Variants in CSNK2A1 observed in about 807,000 individuals in gnomAD.
CSNK2A1 encodes the protein casein kinase 2 alpha 1.
In CSNK2A1, 10 loss-of-function variants were observed where a neutral mutation model predicts 62.9. That is an observed-to-expected ratio of 0.16 (90% CI 0.10 to 0.27). The LOEUF (loss-of-function observed/expected upper bound fraction) is 0.27, where lower values mean the gene tolerates loss of function less well. Ranked by LOEUF, CSNK2A1 falls within the 10% of genes least tolerant of loss-of-function variation. CSNK2A1 has a pLI of 1.00. For synonymous variants in CSNK2A1, 124 were observed against 167.8 expected (o/e 0.74, Z 2.02); for missense variants, 160 against 492.0 (o/e 0.33, Z 6.38).
chr20:527,119 G>A (rs1373572677), intron 2 of CSNK2A1, among the ~76,000 whole-genome samples: 2 of 151,596 alleles, frequency 1.3e-5, no homozygotes, highest in African/African-American at 4.8e-5. Context: ...TAAATGTCCA[G>A]TATCAAGAAT....
chr20:520,545 G>A (rs1204072674), intron 2 of CSNK2A1, among the ~76,000 whole-genome samples: 2 of 152,096 alleles, frequency 1.3e-5, no homozygotes, highest in African/African-American at 2.4e-5. Flanking sequence ...TGGTGCCCAC[G>A]CTGGAGTGCA....
rs753144709 is a variant in CSNK2A1, at chr20:489,793, T to G, written c.710A>C (p.Asp237Ala). ...AACATATATTACCTGATCATAATTG[T>G]CATGTCCATGGAAAAATGGCTCCTT... The part of the protein sequence containing the change: ...FRKEPFFHGH[D>A]NYDQLVRIAK... Residue 237 changes from aspartate to alanine, a missense_variant, in exon 10 of 14, where the codon GAC becomes GCC. Around this residue, in one of 3 missense-constraint regions of CSNK2A1, gnomAD observed 94 missense variants for 357.6 expected, o/e 0.26. Coordinates refer to ENST00000217244, the MANE Select transcript of CSNK2A1 (RefSeq NM_177559.3). 1 of 1,613,586 alleles carries G rather than the reference T, an allele frequency of 6.2e-7. No homozygotes were observed. The highest frequency in any genetic ancestry group is 8.5e-7 in the Non-Finnish European group (1 of 1,179,632).
At chr20:512,407 C>T (rs138144436) in intron 2 of CSNK2A1, among the ~76,000 whole-genome samples, 2 of 152,148 alleles carry the variant, frequency 1.3e-5, no homozygotes, top group East Asian at 1.9e-4. Context: ...TGTTTGTTGA[C>T]GATGCATTTG....
In CSNK2A1 at chr20:480,537, G is replaced by A. The variant is rs2017937629; in HGVS notation, c.*3424C>T. On this transcript the variant is annotated 3_prime_UTR_variant, in exon 14 of 14. Coordinates refer to ENST00000217244, the MANE Select transcript of CSNK2A1 (RefSeq NM_177559.3). ...AATACAACAAAAGTTCAGGTGTTCT[G>A]AGGAAAAAGAAGGGCAAGGGTAAGT... The A allele has an allele frequency of 6.6e-6, 1 of 152,144 alleles. No individual in the cohort carries two copies. The highest frequency in any genetic ancestry group is 1.5e-5 in the Non-Finnish European group (1 of 68,014). 9.4% of individuals were successfully genotyped at this position (152,144 alleles called of 1,614,324 possible).
At position 543,699 on chromosome 20, in the gene CSNK2A1, C is replaced by T; in HGVS notation, c.-254G>A. 1 of 398,426 alleles carries T rather than the reference C, an allele frequency of 2.5e-6. No individual in the cohort carries two copies. Among genetic ancestry groups the T allele is most frequent in the Non-Finnish European group, 4.4e-6 (1 of 226,068 alleles). 24.7% of individuals were successfully genotyped at this position (398,426 alleles called of 1,614,324 possible). On this transcript the variant is annotated 5_prime_UTR_variant, in exon 1 of 14. Transcript: ENST00000217244. ...GTGGTGGAAGCGGCAGCGGCGGCGG[C>T]CGCTCTCCCCTCTGCTCACACAGAC...
chr20:520,959 G>A (rs1395833681), intron 2 of CSNK2A1, among the ~76,000 whole-genome samples: 1 of 152,044 alleles, frequency 6.6e-6, no homozygotes, highest in East Asian at 1.9e-4. Context: ...TGGGTGACAA[G>A]GCAAGACTCT....
At chr20:496,894 C>A (rs1336923486) in intron 7 of CSNK2A1, among the ~76,000 whole-genome samples, 1 of 152,142 alleles carries the variant, frequency 6.6e-6, no homozygotes, top group African/African-American at 2.4e-5. Flanking sequence ...CCTTTGAGAA[C>A]TGAGTTAAAG....
chr20:543,543 G>A (rs2019499684), intron 1 of CSNK2A1, 129 bp downstream of exon 1: 2 of 396,074 alleles, frequency 5.0e-6, no homozygotes, highest in African/African-American at 2.1e-5. Flanking sequence ...TATGTGTGAA[G>A]GTGGGGGCAG....
At chr20:522,739 C>A (rs1045039325) in intron 2 of CSNK2A1, among the ~76,000 whole-genome samples, 1 of 152,070 alleles carries the variant, frequency 6.6e-6, no homozygotes, top group African/African-American at 2.4e-5. Context: ...CTTTGTCACC[C>A]AGGCTGGAGT....
chr20:529,747 C>T (rs1181420505), intron 1 of CSNK2A1, among the ~76,000 whole-genome samples: 1 of 152,132 alleles, frequency 6.6e-6, no homozygotes, highest in Non-Finnish European at 1.5e-5. Context: ...GTACCTCAAA[C>T]TGCAAAAGTT....
intron 1 of CSNK2A1, among the ~76,000 whole-genome samples, chr20:534,161 G>A (rs910045984): frequency 6.6e-6 from 1 of 152,170 alleles, no homozygotes; most frequent in Admixed American, 6.5e-5. Context: ...AGATTCAGAG[G>A]TTAAATAATC....
intron 2 of CSNK2A1, among the ~76,000 whole-genome samples, chr20:517,904 C>T (rs1232691787): frequency 6.6e-6 from 1 of 152,136 alleles, no homozygotes; most frequent in Non-Finnish European, 1.5e-5. Flanking sequence ...CGACTGTTAC[C>T]ATTTTGTGCT....
At chr20:542,624 G>T (rs2019475829) in intron 1 of CSNK2A1, among the ~76,000 whole-genome samples, 1 of 151,844 alleles carries the variant, frequency 6.6e-6, no homozygotes, top group Admixed American at 6.6e-5. Flanking sequence ...GTACAGACGG[G>T]GTTTCACCGT....
rs931357151 is a variant in CSNK2A1 at position 509,601 on chromosome 20, G to C, written c.-109-941C>G. The stretch of plus-strand genomic sequence containing the variant: ...TATGTGTGTATGTGTTTTAAGACAG[G>C]GTCTTATTCCACTGCCCAGACTGGA... On this transcript the variant is annotated intron_variant, in intron 2 of 13. Transcript: ENST00000217244. Among the ~76,000 whole-genome samples, 20 of 152,266 alleles carry C rather than the reference G, an allele frequency of 1.3e-4. 1 individual carries two copies. In the South Asian group the frequency reaches 3.5e-3, roughly 27 times the overall value.
chr20:524,819 TTATG>T (rs1217862187), intron 2 of CSNK2A1, among the ~76,000 whole-genome samples: 2 of 151,672 alleles, frequency 1.3e-5, no homozygotes, highest in East Asian at 3.9e-4. Flanking sequence ...ATATGTACAA[TTATG>T]TATCAATTAG....
chr20:489,908 T>C, intron 9 of CSNK2A1, 27 bp from the exon 10 acceptor site: 1 of 1,558,000 alleles, frequency 6.4e-7, no homozygotes, highest in Non-Finnish European at 8.7e-7. Flanking sequence ...TCACTGTTAT[T>C]ATCTGTGAAT....
chr20:541,993 T>C (rs898738115), intron 1 of CSNK2A1, among the ~76,000 whole-genome samples: 1 of 152,140 alleles, frequency 6.6e-6, no homozygotes, highest in African/African-American at 2.4e-5. Context: ...CAGCCCCAGG[T>C]CCACCAAGCC....
At chr20:518,851 A>G (rs1239679997) in intron 2 of CSNK2A1, among the ~76,000 whole-genome samples, 1 of 150,962 alleles carries the variant, frequency 6.6e-6, no homozygotes, top group East Asian at 1.9e-4. Flanking sequence ...CACCGCACCC[A>G]GCCAATTATT....
intron 1 of CSNK2A1, among the ~76,000 whole-genome samples, chr20:535,613 C>T (rs1038832407): frequency 2.0e-5 from 3 of 151,742 alleles, no homozygotes. Flanking sequence ...AAAATTAGCC[C>T]GGTGGGGTGG....
Sources: allele counts gnomAD v4.1 joint callset (sites outside exome capture counted in the v4.1 genomes callset), GRCh38; gene constraint gnomAD v4.1.1; regional missense constraint gnomAD v4.1.1; transcripts MANE v1.5; gene names NCBI Gene and HGNC (gene_info 2026-07-23, HGNC 2026-07-21).